The following EXOC6B variants were observed in gnomAD, a reference collection of about 807,000 sequenced individuals.
EXOC6B encodes exocyst complex component 6B, also known as SEC15 homolog B.
A neutral mutation model predicts 113.5 loss-of-function variants in EXOC6B; 54 were observed. That is an observed-to-expected ratio of 0.48 (90% CI 0.38 to 0.60). The LOEUF (loss-of-function observed/expected upper bound fraction) is 0.60, where lower values mean the gene tolerates loss of function less well. Among genes scored for constraint, EXOC6B ranks in the 20% least tolerant of loss-of-function variants. The pLI, the probability that EXOC6B is intolerant of heterozygous loss-of-function variation, is 0.00. For missense variants in EXOC6B, 797 were observed against 977.5 expected (o/e 0.82, Z 2.46); for synonymous variants, 357 against 339.0 (o/e 1.05, Z -0.58).
chr2:72,207,145 C>T (rs1041705468), intron 20 of EXOC6B, among the ~76,000 whole-genome samples: 5 of 152,166 alleles, frequency 3.3e-5, no homozygotes, highest in Non-Finnish European at 5.9e-5. Flanking sequence ...AAAGACTTCA[C>T]AGAATCTATT....
intron 18 of EXOC6B, among the ~76,000 whole-genome samples, chr2:72,380,312 T>C (rs1691605850): frequency 6.6e-6 from 1 of 152,184 alleles, no homozygotes; most frequent in Non-Finnish European, 1.5e-5. Flanking sequence ...TAGAAACCAG[T>C]GTTTACTGCT....
At chr2:72,622,469 T>C (rs1454670571) in intron 6 of EXOC6B, among the ~76,000 whole-genome samples, 1 of 152,176 alleles carries the variant, frequency 6.6e-6, no homozygotes, top group East Asian at 1.9e-4. Context: ...ATCCCAGCAC[T>C]TTGGAAGGTC....
intron 6 of EXOC6B, among the ~76,000 whole-genome samples, chr2:72,672,824 AAG>A (rs1226543898): frequency 6.6e-6 from 1 of 152,176 alleles, no homozygotes; most frequent in Non-Finnish European, 1.5e-5. Flanking sequence ...GATGGTGGTG[AAG>A]AGAGTACTAA....
intron 18 of EXOC6B, among the ~76,000 whole-genome samples, chr2:72,435,174 T>A (rs1352860630): frequency 1.3e-5 from 2 of 152,134 alleles, no homozygotes; most frequent in Non-Finnish European, 2.9e-5. Context: ...CCCAGTAGTC[T>A]TTCAGGAGCA....
chr2:72,495,530 G>T lies in EXOC6B; in HGVS notation c.1453C>A (p.Pro485Thr). ...AATTCAGAGAAAGGAAACTTTTTTG[G>T]AAATGGTTGCTGTAAATGCAAGAAG... ...QDIELEKQPF[P>T]KKFPFSEFVP... Residue 485 changes from proline to threonine, a missense_variant, in exon 15 of 22, where the codon CCA becomes ACA. By Grantham distance (38) the Pro-to-Thr change is conservative. Coordinates refer to ENST00000272427, the MANE Select transcript of EXOC6B (RefSeq NM_015189.3). 1.3e-6 allele frequency: 2 copies of T among 1,590,466 alleles called. No individual in the cohort carries two copies. The highest frequency in any genetic ancestry group is 1.7e-6 in the Non-Finnish European group (2 of 1,161,926).
At chr2:72,526,864 G>A (rs1431697460) in intron 8 of EXOC6B, among the ~76,000 whole-genome samples, 1 of 151,888 alleles carries the variant, frequency 6.6e-6, no homozygotes, top group Non-Finnish European at 1.5e-5. Context: ...ATTAATTATA[G>A]ATTCACATAT....
intron 20 of EXOC6B, among the ~76,000 whole-genome samples, chr2:72,243,431 A>T (rs546609371): frequency 6.6e-6 from 1 of 152,352 alleles, no homozygotes; most frequent in Admixed American, 6.5e-5. Flanking sequence ...GGATGAGTTC[A>T]TGTCCATTGC....
Position 72,514,642 on chromosome 2 carries a change from T to G in EXOC6B, c.1038A>C (p.Gln346His). ...TATATATATATACCTACCCTACAAT[T>G]TGATTAAAATACTTCCTGTAGCCAT... ...TLDGYRKYFN[Q>H]IVGFFVVEDH... Residue 346 changes from glutamine (Q) to histidine (H), a missense_variant, in exon 10 of 22, where the codon CAA (glutamine) becomes CAC (histidine). Transcript: ENST00000272427. 8.5e-7 allele frequency: 1 copy of G among 1,174,668 alleles called. No individual in the cohort carries two copies. The highest frequency in any genetic ancestry group is 1.2e-6 in the Non-Finnish European group (1 of 847,420). The allele number at this position is 1,174,668 out of a possible 1,614,324, so 72.8% of individuals were successfully genotyped here.
At chr2:72,197,398 G>A (rs1272898393) in intron 20 of EXOC6B, among the ~76,000 whole-genome samples, 1 of 152,174 alleles carries the variant, frequency 6.6e-6, no homozygotes, top group African/African-American at 2.4e-5. Context: ...GATGAAAGCA[G>A]AGGGCATATA....
At chr2:72,523,851 C>A (rs547388998) in intron 8 of EXOC6B, among the ~76,000 whole-genome samples, 3 of 149,748 alleles carry the variant, frequency 2.0e-5, no homozygotes, top group Non-Finnish European at 3.0e-5. Flanking sequence ...TATCTACTGG[C>A]TATTTCCTGG....
intron 11 of EXOC6B, among the ~76,000 whole-genome samples, chr2:72,504,720 C>T (rs1355848950): frequency 6.6e-6 from 1 of 152,096 alleles, no homozygotes; most frequent in Non-Finnish European, 1.5e-5. Context: ...TTCAAAGTGT[C>T]TTATCAATTT....
At chr2:72,538,544 C>T (rs1702428486) in intron 8 of EXOC6B, among the ~76,000 whole-genome samples, 1 of 151,982 alleles carries the variant, frequency 6.6e-6, no homozygotes. Flanking sequence ...TGGTGTGTAT[C>T]TTACACTTAA....
intron 8 of EXOC6B, among the ~76,000 whole-genome samples, chr2:72,549,722 T>C (rs1014624361): frequency 6.6e-6 from 1 of 151,962 alleles, no homozygotes; most frequent in African/African-American, 2.4e-5. Flanking sequence ...GTCATTAGGG[T>C]TCCAAATCAT....
At chr2:72,735,693 A>G (rs1053720593) in intron 2 of EXOC6B, among the ~76,000 whole-genome samples, 2 of 151,494 alleles carry the variant, frequency 1.3e-5, no homozygotes, top group African/African-American at 4.9e-5. Flanking sequence ...GTGCATGCCT[A>G]GAATCCCAGC....
chr2:72,431,798 G>T (rs551014413), intron 18 of EXOC6B, among the ~76,000 whole-genome samples: 112 of 151,762 alleles, frequency 7.4e-4, no homozygotes, highest in African/African-American at 2.5e-3. Flanking sequence ...CCCTCCCCTA[G>T]CCTCCCACAC....
intron 20 of EXOC6B, among the ~76,000 whole-genome samples, chr2:72,190,502 G>A (rs1258267292): frequency 6.6e-6 from 1 of 152,102 alleles, no homozygotes; most frequent in South Asian, 2.1e-4. Flanking sequence ...ATATAAAAAA[G>A]TGTTCTCAGA....
intron 6 of EXOC6B, among the ~76,000 whole-genome samples, chr2:72,652,970 ACC>A (rs1490506657): frequency 6.6e-6 from 1 of 151,660 alleles, no homozygotes; most frequent in Non-Finnish European, 1.5e-5. Flanking sequence ...ACATTGTGAG[ACC>A]TCAGTTATAT....
At chr2:72,356,220 T>C (rs1275873142) in intron 19 of EXOC6B, among the ~76,000 whole-genome samples, 4 of 152,178 alleles carry the variant, frequency 2.6e-5, no homozygotes, top group Admixed American at 6.5e-5. Flanking sequence ...CCAAAATAAA[T>C]TTATTCATAT....
chr2:72,419,470 T>C (rs748959161), intron 18 of EXOC6B, among the ~76,000 whole-genome samples: 12 of 152,230 alleles, frequency 7.9e-5, no homozygotes, highest in Non-Finnish European at 1.5e-4. Context: ...TTCATTAAGA[T>C]TTCTTGCAGG....
Sources: allele counts gnomAD v4.1 joint callset (sites outside exome capture counted in the v4.1 genomes callset), GRCh38; gene constraint gnomAD v4.1.1; transcripts MANE v1.5; gene names NCBI Gene and HGNC (gene_info 2026-07-23, HGNC 2026-07-21).